LCORL: variants seen among roughly 807,000 people sequenced by gnomAD.
LCORL encodes ligand dependent nuclear receptor corepressor like.
Under a neutral mutation model 141.8 loss-of-function variants are expected in LCORL, and 41 were observed. The ratio of observed to expected loss-of-function variants is 0.29; its 90% CI spans 0.23 to 0.38. The LOEUF (loss-of-function observed/expected upper bound fraction) is 0.38. Ranked by LOEUF, LCORL falls within the 10% of genes least tolerant of loss-of-function variation. LCORL has a pLI of 1.00. For synonymous variants in LCORL, 618 were observed against 694.1 expected, an observed-to-expected ratio of 0.89 and a Z score of 1.72; for missense variants, 1,759 against 2,035.0, an observed-to-expected ratio of 0.86 and a Z score of 2.61.
intron 6 of LCORL, among the ~76,000 whole-genome samples, chr4:17,885,259 G>T (rs890072032): frequency 1.3e-5 from 2 of 151,762 alleles, no homozygotes; most frequent in African/African-American, 4.8e-5. Context: ...TTTTTCTCTA[G>T]ACAAGAGCTT....
At chr4:18,004,563 C>T (rs774933524) in intron 1 of LCORL, among the ~76,000 whole-genome samples, 41 of 152,164 alleles carry the variant, frequency 2.7e-4, no homozygotes, top group Non-Finnish European at 4.7e-4. Context: ...TATCGTGATA[C>T]GTGGGAATTG....
chr4:17,907,581 C>T (rs146680687), intron 5 of LCORL, among the ~76,000 whole-genome samples: 126 of 152,232 alleles, frequency 8.3e-4, no homozygotes, highest in African/African-American at 2.8e-3. Flanking sequence ...CTCTATTTTC[C>T]GAGTTCCAAA....
chr4:17,881,298 ATTCATAAAGT>A (rs1194958207), intron 6 of LCORL: 1 of 980,008 alleles, frequency 1.0e-6, no homozygotes, highest in Non-Finnish European at 1.2e-6. Flanking sequence ...TGGTAACTAA[ATTCATAAAGT>A]ACTTTGAAAG....
chr4:17,899,282 A>G (rs1224800803), intron 5 of LCORL, among the ~76,000 whole-genome samples: 7 of 152,172 alleles, frequency 4.6e-5, no homozygotes, highest in Admixed American at 1.3e-4. Context: ...TTTTGTTTAT[A>G]CATTGAAATT....
At chr4:17,912,633 T>G (rs1378157589) in intron 4 of LCORL, 1 of 393,714 alleles carries the variant, frequency 2.5e-6, no homozygotes, top group East Asian at 6.4e-5. Flanking sequence ...CTGGACTTGA[T>G]GAGAAATCTG....
At chr4:17,973,731 T>C (rs1716416095) in intron 1 of LCORL, among the ~76,000 whole-genome samples, 1 of 152,008 alleles carries the variant, frequency 6.6e-6, no homozygotes. Flanking sequence ...GTGGTATTCC[T>C]AAAATGTAAA....
At chr4:17,909,312 A>G in exon 5 of LCORL, 1 of 1,608,866 alleles carries the variant, frequency 6.2e-7, no homozygotes, top group Non-Finnish European at 8.5e-7. Flanking sequence ...CTGAGCAACT[A>G]GGGGAATGTT....
intron 1 of LCORL, chr4:18,020,414 A>G (rs1423500196): frequency 2.7e-5 from 4 of 149,434 alleles, no homozygotes; most frequent in African/African-American, 9.9e-5. Context: ...ACACAATACA[A>G]CCTTCCTTTC....
chr4:17,847,919 T>A (rs1419250492), intron 7 of LCORL, among the ~76,000 whole-genome samples: 5 of 152,196 alleles, frequency 3.3e-5, no homozygotes, highest in Non-Finnish European at 7.4e-5. Context: ...TAGTAAGTAT[T>A]AAACTCCAAA....
intron 5 of LCORL, among the ~76,000 whole-genome samples, chr4:17,898,448 G>A (rs1730326478): frequency 6.6e-6 from 1 of 152,054 alleles, no homozygotes; most frequent in African/African-American, 2.4e-5. Context: ...AACAAGATCT[G>A]TTGAGAGCAC....
intron 6 of LCORL, among the ~76,000 whole-genome samples, chr4:17,885,049 C>T (rs1728089800): frequency 6.6e-6 from 1 of 151,894 alleles, no homozygotes; most frequent in African/African-American, 2.4e-5. Context: ...CTGATAGATG[C>T]TTGCAGAGCA....
chr4:17,860,877 A>C (rs1724923440), intron 7 of LCORL, among the ~76,000 whole-genome samples: 1 of 152,176 alleles, frequency 6.6e-6, no homozygotes, highest in Admixed American at 6.5e-5. Flanking sequence ...AAGCTCTAAG[A>C]TGATCTCCTT....
At chr4:17,842,605 CT>C in exon 8 of LCORL, 1 of 440,016 alleles carries the variant, frequency 2.3e-6, no homozygotes, top group Admixed American at 3.8e-5. Flanking sequence ...TTAGTACTAT[CT>C]TTAATATGTT....
At chr4:17,875,015 T>C (rs1186656511) in exon 7 of LCORL, 1 of 1,233,598 alleles carries the variant, frequency 8.1e-7, no homozygotes, top group African/African-American at 1.6e-5. Context: ...GTCTCAAAGG[T>C]ACAGTAGCAA....
intron 6 of LCORL, among the ~76,000 whole-genome samples, chr4:17,880,031 C>G (rs943489058): frequency 6.6e-6 from 1 of 150,956 alleles, no homozygotes; most frequent in Non-Finnish European, 1.5e-5. Context: ...TTTTATATCC[C>G]TTTTCTGACA....
chr4:17,961,991 T>C (rs943963750), exon 4 of LCORL: 2 of 1,609,488 alleles, frequency 1.2e-6, no homozygotes, highest in African/African-American at 2.7e-5. Flanking sequence ...ATAGCTCCTC[T>C]GTTGGTGTTG....
At chr4:17,980,516 G>A (rs896455937) in intron 1 of LCORL, among the ~76,000 whole-genome samples, 18 of 152,150 alleles carry the variant, frequency 1.2e-4, no homozygotes, top group South Asian at 2.1e-4. Context: ...ACACAAATAC[G>A]TGGTACTCAC....
intron 1 of LCORL, among the ~76,000 whole-genome samples, chr4:18,016,480 G>C (rs1054858495): frequency 6.6e-6 from 1 of 152,086 alleles, no homozygotes; most frequent in Admixed American, 6.5e-5. Context: ...GTGGTATCAT[G>C]GTAATCAAGA....
intron 7 of LCORL, among the ~76,000 whole-genome samples, chr4:17,847,339 G>T (rs1406019408): frequency 6.6e-6 from 1 of 152,136 alleles, no homozygotes; most frequent in Non-Finnish European, 1.5e-5. Context: ...TTGGGAAATG[G>T]GAGCGTCCAG....
Sources: allele counts gnomAD v4.1 joint callset (sites outside exome capture counted in the v4.1 genomes callset), GRCh38; gene constraint gnomAD v4.1.1; transcripts MANE v1.5; gene names NCBI Gene and HGNC (gene_info 2026-07-23, HGNC 2026-07-21).